Variants in CTSA observed in about 807,000 individuals in gnomAD.
CTSA encodes lysosomal protective protein.
Under a neutral mutation model 66.7 loss-of-function variants are expected in CTSA, and 42 were observed. The ratio of observed to expected loss-of-function variants is 0.63; its 90% CI spans 0.49 to 0.81. The LOEUF is 0.81. Ranked by LOEUF, CTSA falls within the 40% of genes least tolerant of loss-of-function variation. The probability of loss-of-function intolerance (pLI) is 0.00; values close to 1 mark genes in which losing one functional copy is unlikely to be tolerated. For synonymous variants in CTSA, 225 were observed against 248.6 expected (o/e 0.91, Z 0.89); for missense variants, 525 against 610.9 (o/e 0.86, Z 1.48).
chr20:45,892,170 C>T, intron 3 of CTSA, 103 bp from the exon 4 acceptor site: 1 of 1,453,020 alleles, frequency 6.9e-7, no homozygotes, highest in South Asian at 1.1e-5. Flanking sequence ...GCTGCCTGTA[C>T]CTCTCAGAGG....
At chr20:45,893,863 C>A in intron 7 of CTSA, 125 bp from the exon 8 acceptor site, 1 of 753,946 alleles carries the variant, frequency 1.3e-6, no homozygotes, top group Non-Finnish European at 2.4e-6. Context: ...CAGACCACAC[C>A]CTGTGATATC....
At chr20:45,896,928 C>T (rs1481597562) in intron 11 of CTSA, 37 bp from the exon 12 acceptor site, 3 of 1,571,964 alleles carry the variant, frequency 1.9e-6, no homozygotes, top group Admixed American at 3.3e-5. Flanking sequence ...TCGCCCCGAC[C>T]TGGTCTTCCT....
chr20:45,892,794 C>T lies in CTSA; in HGVS notation c.514C>T (p.Leu172Phe), dbSNP rs1439472619. ...RLFPEYKNNK[L>F]FLTGESYAGI... ...CTTTCCGGAGTACAAGAACAACAAA[C>T]TTTTCCTGACCGGGGAGAGCTATGC... The change falls in exon 6 of 15, where the codon CTT becomes TTT. Residue 172 changes from leucine to phenylalanine, a missense_variant. Coordinates refer to ENST00000646241, the MANE Select transcript of CTSA (RefSeq NM_000308.4). 6.2e-7 allele frequency: 1 copy of T among 1,614,216 alleles called. No individual in the cohort carries two copies. The highest frequency in any genetic ancestry group is 1.7e-5 in the Admixed American group (1 of 60,022).
rs1394422016 is a variant in CTSA at position 45,894,736 on chromosome 20, T to A, written c.864T>A (p.His288Gln). Residue 288 changes from histidine (H) to glutamine (Q), a missense_variant, in exon 9 of 15, where the codon CAT becomes CAA. Physicochemically the swap from His to Gln is conservative, Grantham distance 24. This residue lies in a region of CTSA where 274 missense variants were observed against 321.1 expected (regional missense o/e 0.85). Coordinates refer to ENST00000646241, the MANE Select transcript of CTSA (RefSeq NM_000308.4). ...CGTGTGCTGGAGGGGTGCCCAGCCA[T>A]TTTAGGTAGGTGCTGCTGGGTGCCC... Reference protein sequence around the residue: ...YAPCAGGVPSHFRYEKDTVVV... With the variant: ...YAPCAGGVPSQFRYEKDTVVV... 1 of 1,613,842 alleles carries A rather than the reference T, an allele frequency of 6.2e-7. No individual in the cohort carries two copies. The highest frequency in any genetic ancestry group is 8.5e-7 in the Non-Finnish European group (1 of 1,179,954).
intron 7 of CTSA, among the ~76,000 whole-genome samples, chr20:45,893,770 C>T (rs1347970079): frequency 6.6e-6 from 1 of 152,118 alleles, no homozygotes; most frequent in Non-Finnish European, 1.5e-5. Flanking sequence ...AGCGCCCAGC[C>T]AGAAATCAGA....
intron 11 of CTSA, 37 bp from the exon 12 acceptor site, chr20:45,896,928 C>G: frequency 6.4e-7 from 1 of 1,572,082 alleles, no homozygotes; most frequent in Non-Finnish European, 8.8e-7. Flanking sequence ...TCGCCCCGAC[C>G]TGGTCTTCCT....
intron 13 of CTSA, 61 bp downstream of exon 13, chr20:45,897,867 GC>G: frequency 6.6e-7 from 1 of 1,503,844 alleles, no homozygotes; most frequent in Non-Finnish European, 9.3e-7. Flanking sequence ...GAGCGGGTAT[GC>G]CTGGGAGTGG....
rs976859204 is a variant in CTSA, at chr20:45,895,192, C to T, written c.1088+59C>T. 1.3e-5 allele frequency: 21 copies of T among 1,606,144 alleles called. No homozygotes were observed. In the East Asian group the frequency reaches 3.1e-4, roughly 24 times the overall value. Reference sequence around the variant, plus strand: ...GTGGGTTGCTGGGGCTTGTGGGCATCGGCAGGTTTCTCAGGGATCTTCTGT... The same window carrying T: ...GTGGGTTGCTGGGGCTTGTGGGCATTGGCAGGTTTCTCAGGGATCTTCTGT... On this transcript the variant is annotated intron_variant, in intron 11 of 14. Transcript: ENST00000646241.
chr20:45,897,084 C>A, intron 12 of CTSA, 44 bp downstream of exon 12: 1 of 1,472,042 alleles, frequency 6.8e-7, no homozygotes, highest in Non-Finnish European at 9.5e-7. Flanking sequence ...GCCTTAGGAC[C>A]CCAGAGTAGC....
intron 13 of CTSA, 22 bp downstream of exon 13, chr20:45,897,828 C>T: frequency 6.4e-7 from 1 of 1,570,456 alleles, no homozygotes; most frequent in Non-Finnish European, 8.8e-7. Flanking sequence ...ATTCCTGGCC[C>T]TGGGATAGGG....
At chr20:45,897,242 G>A in intron 12 of CTSA, 1 of 627,018 alleles carries the variant, frequency 1.6e-6, no homozygotes, top group Non-Finnish European at 2.8e-6. Flanking sequence ...AGGAGGCCTA[G>A]GGGTCTGCAT....
In CTSA at chr20:45,898,795, G is replaced by C; in HGVS notation, c.*345G>C. 1.1e-6 allele frequency: 1 copy of C among 927,442 alleles called. No homozygotes were observed. Among genetic ancestry groups the C allele is most frequent in the Non-Finnish European group, 1.6e-6 (1 of 622,488 alleles). 57.5% of individuals were successfully genotyped at this position (927,442 alleles called of 1,614,324 possible). ...GGACTGTAATTGATAGATTGATTAT[G>C]GAATTAAATTGGGTACAGCTTCAAA... On this transcript the variant is annotated 3_prime_UTR_variant, in exon 15 of 15. Coordinates refer to ENST00000646241, the MANE Select transcript of CTSA (RefSeq NM_000308.4). This position sits in a 1 kb window ranked among gnomAD's most constrained non-coding sequence, Gnocchi z 4.6.
chr20:45,893,855 G>A lies in CTSA; in HGVS notation c.693-133G>A, dbSNP rs576823480. ...TGGGAGCTAGCTTAGATGACATACA[G>A]ACCACACCCTGTGATATCTTTCCCA... On this transcript the variant is annotated intron_variant, in intron 7 of 14. Coordinates refer to ENST00000646241, the MANE Select transcript of CTSA (RefSeq NM_000308.4). 5.0e-4 allele frequency: 375 copies of A among 743,028 alleles called. No homozygotes were observed. In the African/African-American group the frequency reaches 5.7e-3, roughly 11 times the overall value. 46.0% of individuals were successfully genotyped at this position (743,028 alleles called of 1,614,324 possible).
chr20:45,895,448 G>A (rs1270448341), intron 11 of CTSA, among the ~76,000 whole-genome samples: 2 of 110,714 alleles, frequency 1.8e-5, no homozygotes, highest in African/African-American at 7.0e-5. Context: ...CCCAGTAGCT[G>A]GGACTACAGA....
intron 12 of CTSA, chr20:45,897,434 G>T: frequency 4.0e-6 from 2 of 503,548 alleles, no homozygotes; most frequent in Non-Finnish European, 7.2e-6. Context: ...CATGGCCTGG[G>T]TGCAAGTCCC....
chr20:45,891,802 A>G lies in CTSA; in HGVS notation c.194+40A>G. ...CTTCTGGGCGGGATTGGGAGAAGAG[A>G]TGACGGATGAGGGATGGGGGGTAGT... On this transcript the variant is annotated intron_variant, in intron 2 of 14. Coordinates refer to ENST00000646241, the MANE Select transcript of CTSA (RefSeq NM_000308.4). This position sits in a 1 kb window ranked among gnomAD's most constrained non-coding sequence, Gnocchi z 4.6. 6.2e-7 allele frequency: 1 copy of G among 1,613,386 alleles called. No homozygotes were observed. Among genetic ancestry groups the G allele is most frequent in the Non-Finnish European group, 8.5e-7 (1 of 1,179,600 alleles).
At chr20:45,894,599 G>A (rs749219731) in intron 8 of CTSA, 51 bp from the exon 9 acceptor site, 72 of 1,503,952 alleles carry the variant, frequency 4.8e-5, no homozygotes, top group East Asian at 6.8e-5. Context: ...TGGTGGGGTC[G>A]TGGAGAGGCT....
rs72555383 is a variant in CTSA at position 45,891,598 on chromosome 20, C to CCTGCTG, written c.51_56dup (p.Leu18_Leu19dup). The CCTGCTG allele has an allele frequency of 5.7e-5, 90 of 1,581,942 alleles. No individual in the cohort carries two copies. Among genetic ancestry groups the CCTGCTG allele is most frequent in the South Asian group, 1.3e-4 (12 of 89,504 alleles). On this transcript the variant is annotated inframe_insertion, in exon 2 of 15. Coordinates refer to ENST00000646241, the MANE Select transcript of CTSA (RefSeq NM_000308.4). This position sits in a 1 kb window ranked among gnomAD's most constrained non-coding sequence, Gnocchi z 4.6. ...TCCGAGCCGCGCCGCCGCCGCTGTTCCTGCTGCTGCTGCTGCTGCTGCTGC... is the reference window on the plus strand; with the variant it reads ...TCCGAGCCGCGCCGCCGCCGCTGTTCCTGCTGCTGCTGCTGCTGCTGCTGCTGCTGC...
chr20:45,893,427 G>A (rs766402675), intron 7 of CTSA, 116 bp downstream of exon 7: 8 of 789,644 alleles, frequency 1.0e-5, no homozygotes, highest in Non-Finnish European at 1.6e-5. Flanking sequence ...CAGCAGGTGG[G>A]TTGCAGAAAG....
Sources: allele counts gnomAD v4.1 joint callset (sites outside exome capture counted in the v4.1 genomes callset), GRCh38; gene constraint gnomAD v4.1.1; regional missense constraint gnomAD v4.1.1; non-coding constraint Gnocchi (gnomAD v3.1); transcripts MANE v1.5; gene names NCBI Gene and HGNC (gene_info 2026-07-23, HGNC 2026-07-21).